Variants in ROBO1 observed in about 807,000 individuals in gnomAD.
ROBO1 encodes roundabout guidance receptor 1, also known as roundabout homolog 1.
ROBO1 carries 149 observed loss-of-function variants against 195.9 expected under a neutral mutation model. The ratio of observed to expected loss-of-function variants is 0.76; its 90% CI spans 0.67 to 0.87. The LOEUF (loss-of-function observed/expected upper bound fraction) is 0.87. ROBO1 is among the 40% of genes least tolerant of loss of function. The pLI is 0.00. For missense variants in ROBO1, 1,933 were observed against 2,068.3 expected, an observed-to-expected ratio of 0.93 and a Z score of 1.27; for synonymous variants, 816 against 733.2, an observed-to-expected ratio of 1.11 and a Z score of -1.82.
At chr3:78,945,581 G>C (rs2040389394) in intron 3 of ROBO1, among the ~76,000 whole-genome samples, 1 of 152,150 alleles carries the variant, frequency 6.6e-6, no homozygotes, top group African/African-American at 2.4e-5. Flanking sequence ...AAACAGGGCA[G>C]AAAAACTGGA....
At chr3:79,628,885 A>G (rs1374506868) in intron 1 of ROBO1, among the ~76,000 whole-genome samples, 1 of 152,218 alleles carries the variant, frequency 6.6e-6, no homozygotes, top group Non-Finnish European at 1.5e-5. Context: ...AACCAACAAA[A>G]GTAAAAAAAG....
At chr3:79,613,235 C>T (rs549156038) in intron 1 of ROBO1, among the ~76,000 whole-genome samples, 1 of 152,048 alleles carries the variant, frequency 6.6e-6, no homozygotes, top group Admixed American at 6.6e-5. Flanking sequence ...TTTAAAACTA[C>T]TATTTTATAG....
chr3:79,388,056 C>T lies in ROBO1; in HGVS notation c.88+201768G>A, dbSNP rs532596085. On this transcript the variant is annotated intron_variant, in intron 2 of 30. Transcript: ENST00000464233. ...GAATGGAATTCTCACAAACTAATTT[C>T]TTGGTTAAGCTATTAAAAGACTATT... Among the ~76,000 whole-genome samples the T allele has an allele frequency of 1.6e-3, 244 of 152,214 alleles. 2 individuals carry two copies. The highest frequency in any genetic ancestry group is 2.6e-3 in the Non-Finnish European group (175 of 67,996).
At chr3:79,054,415 T>C (rs2078763922) in intron 3 of ROBO1, among the ~76,000 whole-genome samples, 1 of 152,092 alleles carries the variant, frequency 6.6e-6, no homozygotes, top group Non-Finnish European at 1.5e-5. Flanking sequence ...ATGTTAGCTT[T>C]TGAAAATGTG....
intron 3 of ROBO1, among the ~76,000 whole-genome samples, chr3:78,951,814 C>A (rs192869296): frequency 6.6e-6 from 1 of 152,056 alleles, no homozygotes; most frequent in Non-Finnish European, 1.5e-5. Context: ...ATCAAAGTCA[C>A]ACAAGATTTA....
In ROBO1 at chr3:79,204,591, T is replaced by C. The variant is rs1346267606; in HGVS notation, c.89-79052A>G. 3.3e-5 allele frequency among the ~76,000 whole-genome samples: 5 copies of C among 152,188 alleles called. No homozygotes were observed. The South Asian group carries it at 8.3e-4, about 25-fold the overall frequency. On this transcript the variant is annotated intron_variant, in intron 2 of 30. Coordinates refer to ENST00000464233, the MANE Select transcript of ROBO1 (RefSeq NM_002941.4). ...GTGGGTTGTGGGAATATAGCAGGTATGTGAACTTAATTGGATTAAGACCTG... is the reference window on the plus strand; with the variant it reads ...GTGGGTTGTGGGAATATAGCAGGTACGTGAACTTAATTGGATTAAGACCTG...
chr3:79,365,058 C>A (rs902335069), intron 2 of ROBO1, among the ~76,000 whole-genome samples: 4 of 152,128 alleles, frequency 2.6e-5, no homozygotes, highest in African/African-American at 7.2e-5. Flanking sequence ...ATATTCAGTT[C>A]TTCCCCTCAA....
intron 3 of ROBO1, among the ~76,000 whole-genome samples, chr3:78,971,756 G>A (rs1240315382): frequency 6.6e-6 from 1 of 151,914 alleles, no homozygotes; most frequent in South Asian, 2.1e-4. Context: ...TTTTGTTGTT[G>A]TTGTTGTTGT....
chr3:79,092,988 A>T (rs1271693038), intron 3 of ROBO1, among the ~76,000 whole-genome samples: 1 of 152,190 alleles, frequency 6.6e-6, no homozygotes, highest in African/African-American at 2.4e-5. Flanking sequence ...TTTTGTGTGT[A>T]AACTAACATT....
At chr3:78,627,738 G>A (rs1704906246) in intron 25 of ROBO1, among the ~76,000 whole-genome samples, 169 bp from the exon 26 acceptor site, 1 of 152,102 alleles carries the variant, frequency 6.6e-6, no homozygotes, top group Admixed American at 6.5e-5. Flanking sequence ...GTGAATTACT[G>A]CATAAACTAT....
intron 7 of ROBO1, chr3:78,715,317 G>T (rs761407776): frequency 6.6e-6 from 1 of 151,874 alleles, no homozygotes; most frequent in Non-Finnish European, 1.5e-5. Context: ...ACACATTTAC[G>T]TATCTTCTTT....
At chr3:78,675,297 G>C (rs1234738677) in intron 10 of ROBO1, among the ~76,000 whole-genome samples, 1 of 152,108 alleles carries the variant, frequency 6.6e-6, no homozygotes, top group African/African-American at 2.4e-5. Flanking sequence ...TCTCACTAGG[G>C]AGTGCCAGAT....
chr3:78,765,613 G>A (rs1489949598), intron 4 of ROBO1, among the ~76,000 whole-genome samples: 1 of 152,110 alleles, frequency 6.6e-6, no homozygotes, highest in Non-Finnish European at 1.5e-5. Context: ...TTATTATGGT[G>A]AGCACTAATA....
chr3:78,769,626 T>G (rs1329159140), intron 4 of ROBO1, among the ~76,000 whole-genome samples: 3 of 151,094 alleles, frequency 2.0e-5, no homozygotes, highest in Non-Finnish European at 2.9e-5. Flanking sequence ...TGGTTTTTTT[T>G]TTTTTTTTTT....
intron 4 of ROBO1, among the ~76,000 whole-genome samples, chr3:78,847,835 G>A (rs1270493602): frequency 1.3e-5 from 2 of 152,196 alleles, no homozygotes; most frequent in Admixed American, 1.3e-4. Context: ...TTTGCAATGA[G>A]TCAGGCTTTC....
chr3:79,340,320 A>G (rs1435755480), intron 2 of ROBO1, among the ~76,000 whole-genome samples: 1 of 152,220 alleles, frequency 6.6e-6, no homozygotes, highest in African/African-American at 2.4e-5. Flanking sequence ...AGATGGGACA[A>G]GTCCTCAGAG....
At chr3:78,977,090 CTTCT>C (rs2076899399) in intron 3 of ROBO1, among the ~76,000 whole-genome samples, 2 of 152,108 alleles carry the variant, frequency 1.3e-5, no homozygotes, top group South Asian at 2.1e-4. Context: ...ACAAAAAACA[CTTCT>C]TTCTCTTGTA....
intron 2 of ROBO1, among the ~76,000 whole-genome samples, chr3:79,370,840 C>T (rs1047686122): frequency 9.9e-5 from 15 of 151,920 alleles, no homozygotes; most frequent in African/African-American, 3.4e-4. Flanking sequence ...TCCCCTTGCC[C>T]CCCACCCCCT....
chr3:78,888,368 C>G (rs2036685744), intron 4 of ROBO1, among the ~76,000 whole-genome samples: 2 of 152,150 alleles, frequency 1.3e-5, no homozygotes, highest in African/African-American at 4.8e-5. Context: ...AATATTTAGG[C>G]TGATCACGGG....
Sources: gnomAD v4.1 joint callset for allele counts (sites outside exome capture counted in the v4.1 genomes callset) on GRCh38, gnomAD v4.1.1 for gene constraint, MANE v1.5 for transcripts, NCBI Gene and HGNC (gene_info 2026-07-23, HGNC 2026-07-21) for gene names.